TAOK1: variants seen among roughly 807,000 people sequenced by gnomAD.
TAOK1 encodes serine/threonine-protein kinase TAO1.
Under a neutral mutation model 138.3 loss-of-function variants are expected in TAOK1, and 21 were observed. The ratio of observed to expected loss-of-function variants is 0.15; its 90% CI spans 0.11 to 0.22. The LOEUF (loss-of-function observed/expected upper bound fraction) is 0.22, where lower values mean the gene tolerates loss of function less well. Ranked by LOEUF, TAOK1 falls within the 10% of genes least tolerant of loss-of-function variation. The pLI is 1.00. For missense variants in TAOK1, 651 were observed against 1,227.7 expected (o/e 0.53, Z 7.02); for synonymous variants, 361 against 398.4 (o/e 0.91, Z 1.12).
rs184778846 is a variant in TAOK1, at chr17:29,544,372, T to A, written c.*1350T>A. ...TACAAACTTCTAGTTCGTTGAGACT[T>A]AGTGACCATTTGGCATCAAGTTAAC... On this transcript the variant is annotated 3_prime_UTR_variant, in exon 20 of 20. Coordinates refer to ENST00000261716, the MANE Select transcript of TAOK1 (RefSeq NM_020791.4). 1.3e-5 allele frequency: 2 copies of A among 152,732 alleles called. No homozygotes were observed. Among genetic ancestry groups the A allele is most frequent in the East Asian group, 3.9e-4 (2 of 5,186 alleles). 9.5% of individuals were successfully genotyped at this position (152,732 alleles called of 1,614,324 possible).
At chr17:29,531,560 C>T (rs528632614) in intron 18 of TAOK1, among the ~76,000 whole-genome samples, 1 of 151,820 alleles carries the variant, frequency 6.6e-6, no homozygotes, top group Admixed American at 6.5e-5. Context: ...GTCAAGAATT[C>T]GAGAGCAGCC....
chr17:29,434,685 C>T (rs758525297), intron 1 of TAOK1, among the ~76,000 whole-genome samples: 1 of 152,118 alleles, frequency 6.6e-6, no homozygotes, highest in Non-Finnish European at 1.5e-5. Flanking sequence ...TCATTTATGC[C>T]ATGGATATTA....
At chr17:29,521,711 T>A (rs1036808877) in intron 16 of TAOK1, among the ~76,000 whole-genome samples, 1 of 152,158 alleles carries the variant, frequency 6.6e-6, no homozygotes, top group Non-Finnish European at 1.5e-5. Flanking sequence ...GCCTCCCGCG[T>A]AGCTGGGACT....
intron 1 of TAOK1, among the ~76,000 whole-genome samples, chr17:29,447,101 A>G (rs1024131290): frequency 2.0e-4 from 29 of 147,624 alleles, no homozygotes; most frequent in Admixed American, 2.7e-4. Flanking sequence ...TGCAGTGACT[A>G]TTCGCAGGCA....
chr17:29,534,436 G>A (rs2092021417), intron 19 of TAOK1, 136 bp downstream of exon 19: 2 of 801,634 alleles, frequency 2.5e-6, no homozygotes, highest in Non-Finnish European at 3.6e-6. Flanking sequence ...TCTAGTTATG[G>A]CAGCAGATTT....
At chr17:29,467,065 C>A in intron 2 of TAOK1, 80 bp from the exon 3 acceptor site, 1 of 1,082,284 alleles carries the variant, frequency 9.2e-7, no homozygotes, top group Non-Finnish European at 1.3e-6. Context: ...TTTACAAATG[C>A]TTTTATATTC....
intron 5 of TAOK1, 106 bp from the exon 6 acceptor site, chr17:29,478,144 AT>A: frequency 1.5e-6 from 1 of 666,836 alleles, no homozygotes; most frequent in East Asian, 3.1e-5. Context: ...TGGAAAATAA[AT>A]CTCTTCTTGC....
chr17:29,494,251 A>G (rs546814557), intron 10 of TAOK1, among the ~76,000 whole-genome samples: 1 of 152,110 alleles, frequency 6.6e-6, no homozygotes, highest in South Asian at 2.1e-4. Context: ...AAAATAGTGT[A>G]TAGAGGCTGG....
At chr17:29,489,257 G>A (rs927896267) in intron 8 of TAOK1, among the ~76,000 whole-genome samples, 10 of 152,136 alleles carry the variant, frequency 6.6e-5, no homozygotes, top group Non-Finnish European at 8.8e-5. Context: ...CAGCACTCTG[G>A]GAGGCTGAGT....
intron 1 of TAOK1, among the ~76,000 whole-genome samples, chr17:29,395,343 C>T (rs1034718151): frequency 6.6e-6 from 1 of 152,006 alleles, no homozygotes; most frequent in Non-Finnish European, 1.5e-5. Context: ...CCAGCCTGGC[C>T]AACAAAGAGA....
intron 1 of TAOK1, among the ~76,000 whole-genome samples, chr17:29,398,505 T>TTCTTTTCTTTTCTTTTCTTTTC (rs1904732614): frequency 6.8e-6 from 1 of 146,072 alleles, no homozygotes; most frequent in Non-Finnish European, 1.5e-5. Context: ...TGCGCCAGGC[T>TTCTTTTCTTTTCTTTTCTTTTC]TCTTTTCTTT....
At chr17:29,517,689 T>G (rs2031842681) in intron 16 of TAOK1, 33 bp downstream of exon 16, 2 of 1,562,326 alleles carry the variant, frequency 1.3e-6, no homozygotes, top group Non-Finnish European at 1.7e-6. Context: ...TTTAAATCCT[T>G]TATCAAAAGA....
chr17:29,495,762 T>C, intron 11 of TAOK1, 35 bp downstream of exon 11: 1 of 1,501,132 alleles, frequency 6.7e-7, no homozygotes, highest in South Asian at 1.4e-5. Context: ...ATATTGAATT[T>C]TCACTTTTGG....
chr17:29,534,377 T>G, intron 19 of TAOK1, 77 bp downstream of exon 19: 21 of 1,293,748 alleles, frequency 1.6e-5, no homozygotes, highest in Non-Finnish European at 2.1e-5. Context: ...TATTTTCATG[T>G]TGGCAGAGGT....
intron 1 of TAOK1, among the ~76,000 whole-genome samples, chr17:29,436,957 T>G (rs1906048158): frequency 6.6e-6 from 1 of 152,198 alleles, no homozygotes; most frequent in South Asian, 2.1e-4. Flanking sequence ...TGTTTGAGGT[T>G]TAAAACACTT....
rs1483104476 is a variant in TAOK1 at position 29,391,024 on chromosome 17, G to A, written c.-95G>A. The A allele has an allele frequency of 6.6e-6, 1 of 152,586 alleles. No individual in the cohort carries two copies. Among genetic ancestry groups the A allele is most frequent in the Non-Finnish European group, 1.5e-5 (1 of 68,282 alleles). 9.5% of individuals were successfully genotyped at this position (152,586 alleles called of 1,614,324 possible). A position where few individuals can be genotyped will look rare whatever the true frequency, so the allele number is the denominator to read the frequency against. ...TCCGCCCCAGACCTGTCGGCGAAAG[G>A]GTAAGGGCACCTCTGCTTTGGGAAA... On this transcript the variant is annotated splice_region_variant and 5_prime_UTR_variant, in exon 1 of 20. Transcript: ENST00000261716.
rs1028067533 is a variant in TAOK1, at chr17:29,450,975, A to G, written c.-94-480A>G. Among the ~76,000 whole-genome samples the G allele has an allele frequency of 6.6e-5, 10 of 152,238 alleles. No individual in the cohort carries two copies. In the East Asian group the frequency reaches 1.7e-3, roughly 26 times the overall value. On this transcript the variant is annotated intron_variant, in intron 1 of 19. Coordinates refer to ENST00000261716, the MANE Select transcript of TAOK1 (RefSeq NM_020791.4). ...AGGTGAATCAAGTTTATGGAGAAAC[A>G]GTTGTCTGTGAAATACATTACTTTC...
At chr17:29,529,642 G>A (rs1399573189) in intron 17 of TAOK1, among the ~76,000 whole-genome samples, 1 of 152,190 alleles carries the variant, frequency 6.6e-6, no homozygotes, top group Non-Finnish European at 1.5e-5. Flanking sequence ...AAGGCAGGCA[G>A]ATCACTTGAA....
chr17:29,486,805 G>A (rs578019027), intron 8 of TAOK1, among the ~76,000 whole-genome samples: 1 of 152,252 alleles, frequency 6.6e-6, no homozygotes, highest in South Asian at 2.1e-4. Flanking sequence ...TATATTGACG[G>A]TATACCATTT....
Sources: gnomAD v4.1 joint callset for allele counts (sites outside exome capture counted in the v4.1 genomes callset) on GRCh38, gnomAD v4.1.1 for gene constraint, MANE v1.5 for transcripts, NCBI Gene and HGNC (gene_info 2026-07-23, HGNC 2026-07-21) for gene names.